Variants in SCAF8 observed in about 807,000 individuals in gnomAD.
The protein encoded by SCAF8 is SR-related and CTD-associated factor 8.
A neutral mutation model predicts 140.5 loss-of-function variants in SCAF8; 23 were observed. The observed-to-expected ratio is 0.16, with a 90% CI of 0.12 to 0.23. The LOEUF (loss-of-function observed/expected upper bound fraction) is 0.23, where lower values mean the gene tolerates loss of function less well. SCAF8 is among the 10% of genes least tolerant of loss of function. The probability of loss-of-function intolerance (pLI) is 1.00; values close to 1 mark genes in which losing one functional copy is unlikely to be tolerated. For missense variants in SCAF8, 1,397 were observed against 1,555.7 expected (o/e 0.90, Z 1.72); for synonymous variants, 575 against 528.9 (o/e 1.09, Z -1.20).
intron 14 of SCAF8, among the ~76,000 whole-genome samples, chr6:154,819,701 A>G (rs955671640): frequency 1.3e-5 from 2 of 152,220 alleles, no homozygotes; most frequent in African/African-American, 2.4e-5. Context: ...TAGAGTTACA[A>G]AAAGAAGTGG....
intron 17 of SCAF8, 65 bp downstream of exon 17, chr6:154,824,443 A>G: frequency 7.0e-7 from 1 of 1,423,496 alleles, no homozygotes; most frequent in Non-Finnish European, 9.8e-7. Context: ...TGTTTCTTCC[A>G]GATTTAAGTA....
intron 1 of SCAF8, among the ~76,000 whole-genome samples, chr6:154,744,639 T>G (rs1778651831): frequency 6.6e-6 from 1 of 152,198 alleles, no homozygotes; most frequent in Non-Finnish European, 1.5e-5. Flanking sequence ...GTTCTCAACC[T>G]CTGGTGCTAG....
At chr6:154,829,354 CATTT>C (rs1380393873) in intron 18 of SCAF8, among the ~76,000 whole-genome samples, 6 of 151,460 alleles carry the variant, frequency 4.0e-5, no homozygotes, top group Non-Finnish European at 5.9e-5. Context: ...TAAATATAGA[CATTT>C]ATTCATTTCC....
chr6:154,784,120 G>GATAGATAGATAT (rs1554260629), intron 3 of SCAF8, among the ~76,000 whole-genome samples: 5 of 106,888 alleles, frequency 4.7e-5, no homozygotes, highest in African/African-American at 1.6e-4. Flanking sequence ...GGTGTCTTGA[G>GATAGATAGATAT]ATATATATAT....
At chr6:154,737,408 G>C (rs1262830075) in intron 1 of SCAF8, among the ~76,000 whole-genome samples, 1 of 152,142 alleles carries the variant, frequency 6.6e-6, no homozygotes, top group Non-Finnish European at 1.5e-5. Context: ...GGGCTCGATG[G>C]GTCATGCCTG....
At chr6:154,783,364 T>C (rs1457179770) in intron 3 of SCAF8, among the ~76,000 whole-genome samples, 1 of 152,250 alleles carries the variant, frequency 6.6e-6, no homozygotes, top group African/African-American at 2.4e-5. Context: ...TCTATGGTAC[T>C]GTGGCTACTC....
chr6:154,763,732 C>T (rs778341925), intron 1 of SCAF8, among the ~76,000 whole-genome samples: 8 of 151,420 alleles, frequency 5.3e-5, no homozygotes, highest in Non-Finnish European at 1.2e-4. Context: ...TGTGAGATTG[C>T]AGTGTTTATC....
intron 17 of SCAF8, 117 bp from the exon 18 acceptor site, chr6:154,827,052 TAAA>T: frequency 1.3e-6 from 1 of 753,398 alleles, no homozygotes; most frequent in Non-Finnish European, 2.1e-6. Context: ...AAAATATATA[TAAA>T]TATGAGGTTG....
intron 11 of SCAF8, among the ~76,000 whole-genome samples, chr6:154,809,134 A>G (rs141340485): frequency 2.0e-5 from 3 of 152,286 alleles, no homozygotes; most frequent in Admixed American, 2.0e-4. Flanking sequence ...CCTGGATTCC[A>G]CTCATCTCAC....
chr6:154,790,764 C>T (rs1160013603), intron 4 of SCAF8, among the ~76,000 whole-genome samples: 1 of 151,948 alleles, frequency 6.6e-6, no homozygotes, highest in East Asian at 1.9e-4. Context: ...TCCGCCTTGG[C>T]CTCCCTAAGT....
chr6:154,763,826 G>C (rs571625674), intron 1 of SCAF8, among the ~76,000 whole-genome samples: 1 of 152,204 alleles, frequency 6.6e-6, no homozygotes, highest in East Asian at 1.9e-4. Flanking sequence ...AGTAAGTTCT[G>C]TTGGAACACA....
At chr6:154,752,903 A>G (rs1320968751) in intron 1 of SCAF8, among the ~76,000 whole-genome samples, 1 of 152,114 alleles carries the variant, frequency 6.6e-6, no homozygotes, top group African/African-American at 2.4e-5. Flanking sequence ...TTAGACTAAT[A>G]TTATTACTGG....
At chr6:154,764,654 T>C (rs1163646632) in intron 1 of SCAF8, among the ~76,000 whole-genome samples, 7 of 152,060 alleles carry the variant, frequency 4.6e-5, no homozygotes, top group Admixed American at 4.6e-4. Context: ...AGAAGTAGAC[T>C]GATAAGATGG....
chr6:154,765,129 A>T (rs1233785476), intron 1 of SCAF8, among the ~76,000 whole-genome samples: 7 of 152,182 alleles, frequency 4.6e-5, no homozygotes, highest in Non-Finnish European at 1.0e-4. Context: ...CATCATCATC[A>T]TATTCTTTTT....
At chr6:154,779,777 GTGTGTATATA>G (rs1046223183) in intron 3 of SCAF8, among the ~76,000 whole-genome samples, 6 of 91,814 alleles carry the variant, frequency 6.5e-5, no homozygotes, top group African/African-American at 4.0e-4. Flanking sequence ...GTGTGTGTGT[GTGTGTATATA>G]TATATATATA....
intron 1 of SCAF8, among the ~76,000 whole-genome samples, chr6:154,768,710 A>G (rs1445580674): frequency 6.6e-6 from 1 of 152,160 alleles, no homozygotes; most frequent in Non-Finnish European, 1.5e-5. Context: ...GTTCCTCTGC[A>G]TGTGTTTTTA....
At chr6:154,808,896 C>T (rs1778004669) in intron 11 of SCAF8, 98 bp downstream of exon 11, 10 of 788,062 alleles carry the variant, frequency 1.3e-5, no homozygotes, top group Non-Finnish European at 2.0e-5. Flanking sequence ...CTTGGGATGA[C>T]ATATTTTTTC....
chr6:154,791,241 A>G (rs1044925835), intron 4 of SCAF8, among the ~76,000 whole-genome samples: 5 of 152,166 alleles, frequency 3.3e-5, no homozygotes, highest in African/African-American at 7.2e-5. Context: ...CTAGTTACCA[A>G]GTTTTCTCTA....
chr6:154,825,785 A>AT (rs1464817151), intron 17 of SCAF8, among the ~76,000 whole-genome samples: 1 of 151,762 alleles, frequency 6.6e-6, no homozygotes, highest in East Asian at 1.9e-4. Context: ...AAGTGCTGGG[A>AT]TTACAGGTAT....
Sources: allele counts gnomAD v4.1 joint callset (sites outside exome capture counted in the v4.1 genomes callset), GRCh38; gene constraint gnomAD v4.1.1; transcripts MANE v1.5; gene names NCBI Gene and HGNC (gene_info 2026-07-23, HGNC 2026-07-21).